The following MARCHF1 variants were observed in gnomAD, a reference collection of about 807,000 sequenced individuals.
The protein encoded by MARCHF1 is E3 ubiquitin-protein ligase MARCHF1.
Under a neutral mutation model 54.2 loss-of-function variants are expected in MARCHF1, and 40 were observed. The ratio of observed to expected loss-of-function variants is 0.74; its 90% confidence interval spans 0.57 to 0.96. The LOEUF is 0.96. Ranked by LOEUF, MARCHF1 falls within the 40% of genes least tolerant of loss-of-function variation. The pLI, the probability that MARCHF1 is intolerant of heterozygous loss-of-function variation, is 0.00. For missense variants in MARCHF1, 586 were observed against 656.5 expected (o/e 0.89, Z 1.17); for synonymous variants, 236 against 236.3 (o/e 1.00, Z 0.01).
intron 1 of MARCHF1, among the ~76,000 whole-genome samples, chr4:164,370,136 C>T (rs1730996157): frequency 6.6e-6 from 1 of 152,110 alleles, no homozygotes; most frequent in South Asian, 2.1e-4. Flanking sequence ...AAAATGACAG[C>T]TGTCTCAAAT....
At chr4:163,621,908 T>C (rs1156417703) in intron 5 of MARCHF1, among the ~76,000 whole-genome samples, 1 of 152,118 alleles carries the variant, frequency 6.6e-6, no homozygotes, top group Non-Finnish European at 1.5e-5. Flanking sequence ...CTTCCCTTCC[T>C]GGGAGGACTA....
chr4:163,585,765 A>G lies in MARCHF1; in HGVS notation c.1175T>C (p.Leu392Pro), dbSNP rs1320836423. ...ATACTGTACCTTCCGGAGGGGTTTG[A>G]GCTTGGTCTCCATTATGAAGTCATA... ...CKYDFIMETKLKPLRKWEKLQ... is the reference protein window; with the variant it reads ...CKYDFIMETKPKPLRKWEKLQ... Residue 392 changes from leucine (L) to proline (P), a missense_variant, in exon 8 of 10, where the codon CTC (leucine) becomes CCC (proline). This residue lies in a region of MARCHF1 where 93 missense variants were observed against 168.2 expected (regional missense o/e 0.55). Coordinates refer to ENST00000514618, the MANE Select transcript of MARCHF1 (RefSeq NM_001394959.1). 2 of 1,606,330 alleles carry G rather than the reference A, an allele frequency of 1.2e-6. No homozygotes were observed. The highest frequency in any genetic ancestry group is 1.7e-6 in the Non-Finnish European group (2 of 1,175,476).
At chr4:164,276,194 A>C (rs1306796178) in intron 1 of MARCHF1, among the ~76,000 whole-genome samples, 2 of 152,250 alleles carry the variant, frequency 1.3e-5, no homozygotes, top group African/African-American at 4.8e-5. Flanking sequence ...TAAATTACTA[A>C]ACCCAAAATA....
chr4:163,671,201 C>A (rs1373428209), intron 5 of MARCHF1, among the ~76,000 whole-genome samples: 1 of 152,154 alleles, frequency 6.6e-6, no homozygotes, highest in South Asian at 2.1e-4. Flanking sequence ...TTTATTGTTA[C>A]AAAGGCTCTT....
At chr4:164,101,288 G>C (rs1039804800) in intron 2 of MARCHF1, among the ~76,000 whole-genome samples, 1 of 151,538 alleles carries the variant, frequency 6.6e-6, no homozygotes, top group Admixed American at 6.6e-5. Flanking sequence ...GCCTGCCTCT[G>C]TAGGCTCCAC....
intron 2 of MARCHF1, among the ~76,000 whole-genome samples, chr4:164,082,666 C>T (rs1241272413): frequency 2.0e-5 from 3 of 152,086 alleles, no homozygotes; most frequent in Non-Finnish European, 4.4e-5. Context: ...ATATGTTGTT[C>T]AGAGAAATGG....
At chr4:163,705,039 A>C (rs545034654) in intron 4 of MARCHF1, among the ~76,000 whole-genome samples, 4 of 151,888 alleles carry the variant, frequency 2.6e-5, no homozygotes, top group African/African-American at 9.6e-5. Flanking sequence ...TAGAGGAAAC[A>C]CATTATATTT....
chr4:164,175,583 T>C lies in MARCHF1; in HGVS notation c.-322-63921A>G, dbSNP rs555231834. Among the ~76,000 whole-genome samples the C allele has an allele frequency of 6.6e-5, 10 of 152,366 alleles. No homozygotes were observed. In the South Asian group the frequency reaches 2.1e-3, roughly 32 times the overall value. On this transcript the variant is annotated intron_variant, in intron 1 of 9. Coordinates refer to ENST00000514618, the MANE Select transcript of MARCHF1 (RefSeq NM_001394959.1). ...AGGTACTTTGTAGATGTGATTGACA[T>C]TTAAATCAGAAGACTCTAAAGTAAA...
chr4:163,797,188 G>A (rs1561082486), intron 4 of MARCHF1, among the ~76,000 whole-genome samples: 1 of 151,478 alleles, frequency 6.6e-6, no homozygotes, highest in Non-Finnish European at 1.5e-5. Flanking sequence ...TATATATTGA[G>A]TATATATTTA....
intron 1 of MARCHF1, among the ~76,000 whole-genome samples, chr4:164,310,897 T>C (rs1734832395): frequency 6.6e-6 from 1 of 152,168 alleles, no homozygotes; most frequent in African/African-American, 2.4e-5. Flanking sequence ...CATTTAGTGA[T>C]TAGTGGGTCA....
chr4:163,992,581 C>T (rs1368909252), intron 2 of MARCHF1, among the ~76,000 whole-genome samples: 1 of 151,560 alleles, frequency 6.6e-6, no homozygotes, highest in Non-Finnish European at 1.5e-5. Flanking sequence ...TATGAGAGTT[C>T]AGGATGCTAT....
rs147059009 is a variant in MARCHF1, at chr4:164,168,728, G to A, written c.-322-57066C>T. ...CTCCTACAGTTGACCCTTGAGCAATGTGAGGGTTAGGGGTGCCAACCTTAT... is the reference window on the plus strand; with the variant it reads ...CTCCTACAGTTGACCCTTGAGCAATATGAGGGTTAGGGGTGCCAACCTTAT... On this transcript the variant is annotated intron_variant, in intron 1 of 9. Coordinates refer to ENST00000514618, the MANE Select transcript of MARCHF1 (RefSeq NM_001394959.1). Among the ~76,000 whole-genome samples the A allele has an allele frequency of 2.1e-4, 32 of 151,794 alleles. 1 individual carries two copies. The East Asian group carries it at 5.7e-3, about 27-fold the overall frequency.
At chr4:163,680,555 T>C (rs1005675999) in intron 5 of MARCHF1, among the ~76,000 whole-genome samples, 2 of 152,250 alleles carry the variant, frequency 1.3e-5, no homozygotes, top group Non-Finnish European at 2.9e-5. Flanking sequence ...TGGTGTTCTG[T>C]GGGTCGTCAC....
intron 4 of MARCHF1, among the ~76,000 whole-genome samples, chr4:163,751,374 A>G (rs1290017599): frequency 1.3e-5 from 2 of 152,130 alleles, no homozygotes; most frequent in African/African-American, 2.4e-5. Context: ...AGTCTAAGCT[A>G]TGCAATAATA....
chr4:164,187,931 T>C (rs528963966), intron 1 of MARCHF1, among the ~76,000 whole-genome samples: 3 of 152,254 alleles, frequency 2.0e-5, no homozygotes, highest in African/African-American at 4.8e-5. Context: ...AGTAAACCTA[T>C]AAATTATTGT....
At chr4:163,645,232 G>A (rs1165473493) in intron 5 of MARCHF1, among the ~76,000 whole-genome samples, 1 of 152,144 alleles carries the variant, frequency 6.6e-6, no homozygotes, top group Non-Finnish European at 1.5e-5. Flanking sequence ...ACCCATCCAT[G>A]TCCACCAGAG....
intron 1 of MARCHF1, among the ~76,000 whole-genome samples, chr4:164,180,830 G>T (rs2111012536): frequency 6.6e-6 from 1 of 152,246 alleles, no homozygotes; most frequent in South Asian, 2.1e-4. Flanking sequence ...CATTAGAACT[G>T]CTACATCCGC....
chr4:163,767,810 C>A (rs1004243798), intron 4 of MARCHF1, among the ~76,000 whole-genome samples: 4 of 152,026 alleles, frequency 2.6e-5, no homozygotes, highest in Non-Finnish European at 5.9e-5. Flanking sequence ...TTTAAAACAG[C>A]CTTTTCTTTA....
At chr4:163,583,236 G>A (rs1357805237) in intron 8 of MARCHF1, among the ~76,000 whole-genome samples, 1 of 152,166 alleles carries the variant, frequency 6.6e-6, no homozygotes, top group Admixed American at 6.5e-5. Flanking sequence ...GTTGTCATAT[G>A]GGAATGTGGT....
Sources: gnomAD v4.1 joint callset for allele counts (sites outside exome capture counted in the v4.1 genomes callset) on GRCh38, gnomAD v4.1.1 for gene constraint, gnomAD v4.1.1 regional missense constraint, MANE v1.5 for transcripts, NCBI Gene and HGNC (gene_info 2026-07-23, HGNC 2026-07-21) for gene names.